STX8: variants seen among roughly 807,000 people sequenced by gnomAD.
STX8 encodes the protein syntaxin-8.
STX8 carries 23 observed loss-of-function variants against 37.5 expected under a neutral mutation model. The ratio of observed to expected loss-of-function variants is 0.61; its 90% CI spans 0.44 to 0.87. The LOEUF (loss-of-function observed/expected upper bound fraction) is 0.87, where lower values mean the gene tolerates loss of function less well. Among genes scored for constraint, STX8 ranks in the 40% least tolerant of loss-of-function variants. STX8 has a pLI of 0.00. For synonymous variants in STX8, 115 were observed against 99.1 expected, an observed-to-expected ratio of 1.16 and a Z score of -0.95; for missense variants, 313 against 284.7, an observed-to-expected ratio of 1.10 and a Z score of -0.71.
At chr17:9,568,618 A>G in intron 1 of STX8, 148 bp from the exon 2 acceptor site, 3 of 562,838 alleles carry the variant, frequency 5.3e-6, no homozygotes, top group South Asian at 2.2e-5. Context: ...CTCCTGCCTC[A>G]GCCTCCCCAG....
intron 6 of STX8, among the ~76,000 whole-genome samples, chr17:9,485,393 C>T (rs1240967440): frequency 6.6e-6 from 1 of 152,052 alleles, no homozygotes; most frequent in Non-Finnish European, 1.5e-5. Context: ...GGCCTGGCTT[C>T]TATGACATAT....
intron 6 of STX8, among the ~76,000 whole-genome samples, chr17:9,474,391 G>C (rs1347190783): frequency 1.3e-5 from 2 of 151,946 alleles, no homozygotes; most frequent in African/African-American, 4.8e-5. Context: ...CTTTCTTTTT[G>C]AGATGGAGTC....
In STX8 at chr17:9,250,610, T is replaced by C. The variant is rs1389349408; in HGVS notation, c.679A>G (p.Ile227Val). The C allele has an allele frequency of 6.2e-7, 1 of 1,600,736 alleles. No homozygotes were observed. The highest frequency in any genetic ancestry group is 8.5e-7 in the Non-Finnish European group (1 of 1,173,920). The stretch of plus-strand genomic sequence containing the variant: ...GTCGGCCAGACTGCAACAACCACGA[T>C]AGCCACAAGCAGCAGTAAAATCACC... ...IMVILLLLVA[I>V]VVVAVWPTN The change falls in exon 8 of 8, where the codon ATC becomes GTC. Residue 227 changes from isoleucine (I) to valine (V), a missense_variant. By Grantham distance (29) the Ile-to-Val change is conservative. Coordinates refer to ENST00000306357, the MANE Select transcript of STX8 (RefSeq NM_004853.3).
chr17:9,416,694 T>C (rs1913211470), intron 6 of STX8, among the ~76,000 whole-genome samples: 2 of 152,114 alleles, frequency 1.3e-5, no homozygotes, highest in Admixed American at 6.5e-5. Flanking sequence ...GCCAGGATAA[T>C]AGTTATTCCC....
intron 5 of STX8, among the ~76,000 whole-genome samples, chr17:9,498,402 CAAAAG>C (rs1222887325): frequency 6.5e-5 from 7 of 107,680 alleles, no homozygotes; most frequent in Admixed American, 9.4e-5. Context: ...AAAAAAAAAA[CAAAAG>C]AAAAGAAAAA....
chr17:9,555,295 T>C (rs1223032181), intron 3 of STX8: 1 of 152,182 alleles, frequency 6.6e-6, no homozygotes, highest in Admixed American at 6.5e-5. Flanking sequence ...ACAAAGTCAA[T>C]TATAACTGTG....
chr17:9,557,620 T>C, intron 2 of STX8, 92 bp from the exon 3 acceptor site: 8 of 1,097,660 alleles, frequency 7.3e-6, no homozygotes, highest in Admixed American at 1.9e-5. Context: ...CGGGCTATGA[T>C]GCAACCAAGC....
At position 9,349,542 on chromosome 17, in the gene STX8, G is replaced by A. The variant is rs182207911; in HGVS notation, c.643+29010C>T. On this transcript the variant is annotated intron_variant, in intron 7 of 7. Transcript: ENST00000306357. The stretch of plus-strand genomic sequence containing the variant: ...TTACCATGTTGGCCAGGCTGGTCTC[G>A]AACTCCTCACTTAAGGCGATCCACC... Among the ~76,000 whole-genome samples the A allele has an allele frequency of 3.0e-3, 455 of 151,904 alleles. 4 individuals carry two copies. Among genetic ancestry groups the A allele is most frequent in the African/African-American group, 0.01 (431 of 41,458 alleles).
At position 9,542,443 on chromosome 17, in the gene STX8, C is replaced by T. The variant is rs866012764; in HGVS notation, c.323+2729G>A. Among the ~76,000 whole-genome samples the T allele has an allele frequency of 5.3e-5, 8 of 151,344 alleles. No individual in the cohort carries two copies. The Middle Eastern group carries it at 0.014, about 266-fold the overall frequency. ...CTGTAATCCCAGCACTTTGGGAGGC[C>T]GAGGCAGGCAGATCACGAGGTCAGG... On this transcript the variant is annotated intron_variant, in intron 4 of 7. Transcript: ENST00000306357.
At chr17:9,284,754 C>T (rs532797764) in intron 7 of STX8, among the ~76,000 whole-genome samples, 16 of 152,266 alleles carry the variant, frequency 1.1e-4, no homozygotes, top group Admixed American at 5.2e-4. Context: ...ATCTAGACTT[C>T]GACTTAGCAG....
intron 6 of STX8, among the ~76,000 whole-genome samples, chr17:9,486,728 G>A (rs1281819389): frequency 1.3e-5 from 2 of 151,948 alleles, no homozygotes; most frequent in East Asian, 1.9e-4. Flanking sequence ...GTGCTATGGT[G>A]CCGGCCTGTA....
rs544925009 is a variant in STX8, at chr17:9,451,886, CTCTT to C, written c.541+39939_541+39942del. On this transcript the variant is annotated intron_variant, in intron 6 of 7. Coordinates refer to ENST00000306357, the MANE Select transcript of STX8 (RefSeq NM_004853.3). ...AAATTTGAGTTTGATATTTTGCTTC[CTCTT>C]TCTTATTTGGTTTAATTTGAGCTGC... 1.5e-3 allele frequency among the ~76,000 whole-genome samples: 225 copies of C among 152,164 alleles called. 1 individual carries two copies. The highest frequency in any genetic ancestry group is 3.5e-3 in the South Asian group (17 of 4,818).
chr17:9,366,378 T>C (rs1911230251), intron 7 of STX8, among the ~76,000 whole-genome samples: 1 of 152,146 alleles, frequency 6.6e-6, no homozygotes, highest in South Asian at 2.1e-4. Flanking sequence ...ACTACAGGCA[T>C]GTACCGCCAT....
At chr17:9,329,414 C>G (rs960228621) in intron 7 of STX8, among the ~76,000 whole-genome samples, 5 of 152,228 alleles carry the variant, frequency 3.3e-5, no homozygotes, top group Non-Finnish European at 7.3e-5. Flanking sequence ...AAATCACTCG[C>G]TCTCTGGCAT....
intron 6 of STX8, among the ~76,000 whole-genome samples, chr17:9,456,929 CATT>C (rs1217020088): frequency 2.0e-5 from 3 of 152,184 alleles, no homozygotes; most frequent in Non-Finnish European, 4.4e-5. Flanking sequence ...AGCAAACACT[CATT>C]TAGAGTCCGC....
At chr17:9,350,218 G>T (rs1910661948) in intron 7 of STX8, among the ~76,000 whole-genome samples, 1 of 152,170 alleles carries the variant, frequency 6.6e-6, no homozygotes, top group Non-Finnish European at 1.5e-5. Flanking sequence ...GCTGGACAAG[G>T]GGATGATTCA....
chr17:9,521,550 C>A (rs527396885), intron 4 of STX8, among the ~76,000 whole-genome samples: 2 of 152,100 alleles, frequency 1.3e-5, no homozygotes, highest in Non-Finnish European at 2.9e-5. Flanking sequence ...TCTTTCAGTC[C>A]AATACTCTGT....
At chr17:9,541,303 G>C (rs1186556786) in intron 4 of STX8, among the ~76,000 whole-genome samples, 3 of 152,048 alleles carry the variant, frequency 2.0e-5, no homozygotes, top group Non-Finnish European at 4.4e-5. Flanking sequence ...ATGTGGAAGA[G>C]GAGAATGGAG....
At chr17:9,454,208 T>C (rs12940266) in intron 6 of STX8, among the ~76,000 whole-genome samples, 32,316 of 152,106 alleles carry the variant, frequency 0.21, 3,892 homozygotes, top group Middle Eastern at 0.33. Flanking sequence ...AAACCTCAGA[T>C]AGTACCAAAC....
Sources: gnomAD v4.1 joint callset for allele counts (sites outside exome capture counted in the v4.1 genomes callset) on GRCh38, gnomAD v4.1.1 for gene constraint, MANE v1.5 for transcripts, NCBI Gene and HGNC (gene_info 2026-07-23, HGNC 2026-07-21) for gene names.